Variants in CLASP2 observed in about 807,000 individuals in gnomAD.
CLASP2 encodes the protein cytoplasmic linker associated protein 2, also known as CLIP-associating protein 2.
A neutral mutation model predicts 194.4 loss-of-function variants in CLASP2; 47 were observed. The ratio of observed to expected loss-of-function variants is 0.24; its 90% CI spans 0.19 to 0.31. The LOEUF is 0.31. Among genes scored for constraint, CLASP2 ranks in the 10% least tolerant of loss-of-function variants. The probability of loss-of-function intolerance (pLI) is 1.00; values close to 1 mark genes in which losing one functional copy is unlikely to be tolerated. For missense variants in CLASP2, 1,445 were observed against 1,823.6 expected, an observed-to-expected ratio of 0.79 and a Z score of 3.78; for synonymous variants, 619 against 633.5, an observed-to-expected ratio of 0.98 and a Z score of 0.34.
intron 11 of CLASP2, among the ~76,000 whole-genome samples, chr3:33,620,247 G>A (rs1470992644): frequency 6.6e-6 from 1 of 152,036 alleles, no homozygotes; most frequent in Admixed American, 6.5e-5. Context: ...TTTTGGAGTA[G>A]GATTTCCAAA....
chr3:33,649,488 T>C (rs1052641080), intron 7 of CLASP2, among the ~76,000 whole-genome samples: 1 of 152,324 alleles, frequency 6.6e-6, no homozygotes, highest in Non-Finnish European at 1.5e-5. Flanking sequence ...TACTAAGTTA[T>C]TTAAAGTAAT....
chr3:33,635,401 T>C (rs1016480464), intron 8 of CLASP2, among the ~76,000 whole-genome samples: 1 of 152,210 alleles, frequency 6.6e-6, no homozygotes, highest in Middle Eastern at 3.2e-3. Context: ...AAAAGGTTTC[T>C]TGTGGAACTT....
At chr3:33,702,598 T>TA (rs1394475207) in intron 1 of CLASP2, among the ~76,000 whole-genome samples, 18 of 152,042 alleles carry the variant, frequency 1.2e-4, no homozygotes, top group African/African-American at 4.3e-4. Flanking sequence ...AAAAAAGAAT[T>TA]AGAGTTTATC....
chr3:33,622,913 G>A (rs555124152), intron 10 of CLASP2, among the ~76,000 whole-genome samples: 2 of 151,734 alleles, frequency 1.3e-5, no homozygotes, highest in East Asian at 3.9e-4. Flanking sequence ...GGTTTGAGTG[G>A]TTTTCGTGCC....
At chr3:33,617,940 T>C (rs2076464909) in intron 12 of CLASP2, among the ~76,000 whole-genome samples, 1 of 118,592 alleles carries the variant, frequency 8.4e-6, no homozygotes, top group Non-Finnish European at 1.8e-5. Flanking sequence ...TTATTATATA[T>C]ATATATATAT....
chr3:33,650,338 T>C (rs1400795963), intron 7 of CLASP2, among the ~76,000 whole-genome samples: 4 of 152,198 alleles, frequency 2.6e-5, no homozygotes, highest in Non-Finnish European at 5.9e-5. Flanking sequence ...ATTTACTGAA[T>C]AAACAAAAGA....
chr3:33,628,634 T>A (rs1179959235), intron 9 of CLASP2, among the ~76,000 whole-genome samples: 2 of 152,078 alleles, frequency 1.3e-5, no homozygotes, highest in South Asian at 4.1e-4. Context: ...AAGTTTGAGG[T>A]GTCTTTGAGA....
chr3:33,610,647 C>A (rs1053923738), intron 13 of CLASP2, among the ~76,000 whole-genome samples: 1 of 152,146 alleles, frequency 6.6e-6, no homozygotes, highest in Non-Finnish European at 1.5e-5. Context: ...GCTTTGTGGA[C>A]CACATACAGT....
intron 34 of CLASP2, among the ~76,000 whole-genome samples, chr3:33,526,461 G>A (rs2054590071): frequency 6.6e-6 from 1 of 152,082 alleles, no homozygotes; most frequent in Non-Finnish European, 1.5e-5. Context: ...CCCAACACAG[G>A]AGCACACAGA....
intron 26 of CLASP2, among the ~76,000 whole-genome samples, chr3:33,569,412 T>C (rs1298827891): frequency 6.6e-6 from 1 of 152,196 alleles, no homozygotes; most frequent in Non-Finnish European, 1.5e-5. Flanking sequence ...ACTATATATT[T>C]CAAAGTTGAA....
chr3:33,625,513 C>CA lies in CLASP2; in HGVS notation c.1035+1474dup, dbSNP rs771305104. Among the ~76,000 whole-genome samples the CA allele has an allele frequency of 1.6e-3, 197 of 122,014 alleles. 1 individual carries two copies. The highest frequency in any genetic ancestry group is 1.0e-2 in the South Asian group (39 of 3,912). The allele number at this position is 122,014 out of a possible 152,430, so 80.0% of individuals were successfully genotyped here. On this transcript the variant is annotated intron_variant, in intron 10 of 38. Transcript: ENST00000682230. ...ACTGAATGAGCACCATTTGTTAAGCCAAAAAAAAAAAAGCAAGTTTCTAAG... is the reference window on the plus strand; with the variant it reads ...ACTGAATGAGCACCATTTGTTAAGCCAAAAAAAAAAAAAGCAAGTTTCTAAG...
At chr3:33,717,187 G>A (rs534266474) in intron 1 of CLASP2, among the ~76,000 whole-genome samples, 12 of 152,262 alleles carry the variant, frequency 7.9e-5, no homozygotes, top group African/African-American at 2.9e-4. Context: ...TGTCCTATCT[G>A]TTGGTCTGGG....
intron 7 of CLASP2, among the ~76,000 whole-genome samples, chr3:33,653,564 A>G (rs1165618878): frequency 1.9e-5 from 2 of 107,990 alleles, no homozygotes; most frequent in Admixed American, 9.9e-5. Flanking sequence ...AATTGAGAAA[A>G]TGTGAACACA....
chr3:33,674,706 A>G (rs1240031735), intron 6 of CLASP2, among the ~76,000 whole-genome samples: 1 of 152,120 alleles, frequency 6.6e-6, no homozygotes, highest in Non-Finnish European at 1.5e-5. Context: ...TAATAAAGAA[A>G]AAAAGAGAGA....
chr3:33,686,459 G>A (rs1355408872), intron 5 of CLASP2, among the ~76,000 whole-genome samples: 1 of 152,058 alleles, frequency 6.6e-6, no homozygotes, highest in Non-Finnish European at 1.5e-5. Flanking sequence ...ATTTTGAACT[G>A]TGCATGCGAG....
At chr3:33,716,540 T>C (rs1057146366) in intron 1 of CLASP2, among the ~76,000 whole-genome samples, 1 of 152,214 alleles carries the variant, frequency 6.6e-6, no homozygotes, top group African/African-American at 2.4e-5. Context: ...GCGCTGTCTT[T>C]CTACAACAGT....
intron 6 of CLASP2, among the ~76,000 whole-genome samples, chr3:33,668,164 A>C (rs917341088): frequency 6.6e-6 from 1 of 152,234 alleles, no homozygotes; most frequent in South Asian, 2.1e-4. Flanking sequence ...GGTTGCAGTG[A>C]GCTGAGATCG....
At chr3:33,710,866 C>A (rs531178233) in intron 1 of CLASP2, among the ~76,000 whole-genome samples, 3 of 151,894 alleles carry the variant, frequency 2.0e-5, no homozygotes, top group East Asian at 3.9e-4. Context: ...ACCCGGGAGG[C>A]GGATGTTGCA....
chr3:33,501,842 G>A (rs1302811888), intron 37 of CLASP2, 74 bp from the exon 38 acceptor site: 1 of 904,786 alleles, frequency 1.1e-6, no homozygotes, highest in Non-Finnish European at 1.8e-6. Flanking sequence ...AGGGTCAGAA[G>A]ATGCAGCTGA....
Sources: gnomAD v4.1 joint callset for allele counts (sites outside exome capture counted in the v4.1 genomes callset) on GRCh38, gnomAD v4.1.1 for gene constraint, MANE v1.5 for transcripts, NCBI Gene and HGNC (gene_info 2026-07-23, HGNC 2026-07-21) for gene names.